Variants in GRIK2 observed in about 807,000 individuals in gnomAD.
GRIK2 encodes glutamate receptor ionotropic, kainate 2.
A neutral mutation model predicts 100.3 loss-of-function variants in GRIK2; 32 were observed. That is an observed-to-expected ratio of 0.32 (90% CI 0.24 to 0.43). The LOEUF (loss-of-function observed/expected upper bound fraction) is 0.43, where lower values mean the gene tolerates loss of function less well. Ranked by LOEUF, GRIK2 falls within the 20% of genes least tolerant of loss-of-function variation. GRIK2 has a pLI of 1.00. For missense variants in GRIK2, 843 were observed against 1,114.9 expected (o/e 0.76, Z 3.47); for synonymous variants, 417 against 389.4 (o/e 1.07, Z -0.83).
At chr6:102,006,729 T>C (rs1795261380) in intron 14 of GRIK2, among the ~76,000 whole-genome samples, 1 of 150,444 alleles carries the variant, frequency 6.6e-6, no homozygotes, top group African/African-American at 2.5e-5. Context: ...ACAAGCCCTG[T>C]CATTTTTTTT....
At chr6:101,819,698 T>C (rs1781838250) in intron 10 of GRIK2, among the ~76,000 whole-genome samples, 1 of 152,218 alleles carries the variant, frequency 6.6e-6, no homozygotes, top group Non-Finnish European at 1.5e-5. Context: ...TACATGCCAC[T>C]ATGTTCTGGA....
intron 2 of GRIK2, among the ~76,000 whole-genome samples, chr6:101,597,745 T>A (rs1346356067): frequency 6.6e-6 from 1 of 151,750 alleles, no homozygotes; most frequent in Non-Finnish European, 1.5e-5. Context: ...CTCACCCTTT[T>A]CTTCCATTTC....
In GRIK2 at chr6:101,549,472, C is replaced by T. The variant is rs540129526; in HGVS notation, c.116-72477C>T. 2.2e-4 allele frequency among the ~76,000 whole-genome samples: 34 copies of T among 152,060 alleles called. No homozygotes were observed. In the East Asian group the frequency reaches 5.4e-3, roughly 24 times the overall value. ...TTAGTTCAATCCTGGCTCAAGATGACATTGTGTGTCTCTGCTGGCAATATA... is the reference window on the plus strand; with the variant it reads ...TTAGTTCAATCCTGGCTCAAGATGATATTGTGTGTCTCTGCTGGCAATATA... On this transcript the variant is annotated intron_variant, in intron 2 of 16. Coordinates refer to ENST00000369134, the MANE Select transcript of GRIK2 (RefSeq NM_021956.5).
chr6:101,830,768 G>C (rs1434091573), intron 10 of GRIK2, among the ~76,000 whole-genome samples: 1 of 151,942 alleles, frequency 6.6e-6, no homozygotes, highest in Admixed American at 6.6e-5. Context: ...TTGTTGGTGG[G>C]AATGCTAATT....
chr6:101,987,531 T>C (rs1008909918), intron 14 of GRIK2, among the ~76,000 whole-genome samples: 1 of 151,440 alleles, frequency 6.6e-6, no homozygotes, highest in African/African-American at 2.4e-5. Flanking sequence ...TGATATTTAA[T>C]TTAAACATAT....
At chr6:101,899,766 G>T (rs992512469) in intron 12 of GRIK2, among the ~76,000 whole-genome samples, 4 of 152,108 alleles carry the variant, frequency 2.6e-5, no homozygotes, top group Non-Finnish European at 5.9e-5. Context: ...GCATGATAAA[G>T]TTATAAACAG....
intron 10 of GRIK2, among the ~76,000 whole-genome samples, chr6:101,830,164 C>G (rs1782587209): frequency 1.3e-5 from 2 of 151,838 alleles, no homozygotes; most frequent in Non-Finnish European, 2.9e-5. Context: ...TCGACAAAAA[C>G]AAATAATGGA....
chr6:101,802,227 A>G, intron 8 of GRIK2, 104 bp from the exon 9 acceptor site: 1 of 429,614 alleles, frequency 2.3e-6, no homozygotes. Context: ...ATCTCTAGCA[A>G]TGTAAACTGA....
chr6:101,916,962 T>C (rs1789154432), intron 12 of GRIK2, among the ~76,000 whole-genome samples: 1 of 151,660 alleles, frequency 6.6e-6, no homozygotes, highest in Non-Finnish European at 1.5e-5. Context: ...ATTTTATGCC[T>C]GATCCCACTA....
At chr6:101,793,956 A>G (rs1234359843) in intron 7 of GRIK2, among the ~76,000 whole-genome samples, 1 of 151,966 alleles carries the variant, frequency 6.6e-6, no homozygotes, top group Non-Finnish European at 1.5e-5. Flanking sequence ...TTGCAGTTTG[A>G]TCTCAGACTT....
chr6:101,511,415 A>G (rs1774307787), intron 2 of GRIK2, among the ~76,000 whole-genome samples: 1 of 152,158 alleles, frequency 6.6e-6, no homozygotes, highest in Non-Finnish European at 1.5e-5. Context: ...GAGTGGCACA[A>G]ATAAAATTAA....
At chr6:102,023,691 G>A (rs1200331374) in intron 14 of GRIK2, among the ~76,000 whole-genome samples, 1 of 151,524 alleles carries the variant, frequency 6.6e-6, no homozygotes, top group Admixed American at 6.6e-5. Flanking sequence ...GGTTGAACAT[G>A]TGCTTCAGTT....
chr6:101,922,880 G>A (rs902767183), intron 12 of GRIK2, among the ~76,000 whole-genome samples: 6 of 152,106 alleles, frequency 3.9e-5, no homozygotes, highest in African/African-American at 1.4e-4. Flanking sequence ...CTGTTACTTG[G>A]AAATACTTTA....
rs564664773 is a variant in GRIK2, at chr6:102,068,862, C to T, written c.*351C>T. ...GTTGCCAGGAGATGGAATATCAATG[C>T]CCAACAGGGCAACCAATAAAAGTGT... On this transcript the variant is annotated 3_prime_UTR_variant, in exon 17 of 17. Transcript: ENST00000369134. 7.4e-4 allele frequency: 134 copies of T among 182,194 alleles called. 1 individual carries two copies. Among genetic ancestry groups the T allele is most frequent in the Admixed American group, 2.5e-3 (43 of 17,284 alleles). 11.3% of individuals were successfully genotyped at this position (182,194 alleles called of 1,614,324 possible). A position where few individuals can be genotyped will look rare whatever the true frequency, so the allele number is the denominator to read the frequency against.
At chr6:101,830,978 A>G (rs1403565846) in intron 10 of GRIK2, among the ~76,000 whole-genome samples, 1 of 151,970 alleles carries the variant, frequency 6.6e-6, no homozygotes, top group Non-Finnish European at 1.5e-5. Flanking sequence ...GAGGGAGAAA[A>G]AGAGAAAGAA....
intron 14 of GRIK2, among the ~76,000 whole-genome samples, chr6:101,952,880 T>C (rs1188016810): frequency 1.3e-5 from 2 of 152,174 alleles, no homozygotes; most frequent in African/African-American, 4.8e-5. Flanking sequence ...ACCACAATAA[T>C]TTTTAAAACT....
At chr6:102,046,054 C>A (rs1419385115) in intron 15 of GRIK2, among the ~76,000 whole-genome samples, 2 of 151,816 alleles carry the variant, frequency 1.3e-5, no homozygotes, top group Non-Finnish European at 1.5e-5. Flanking sequence ...GATGGCTATA[C>A]TTAGAGTTCA....
chr6:101,664,660 G>A (rs1402792450), intron 4 of GRIK2, among the ~76,000 whole-genome samples: 1 of 152,236 alleles, frequency 6.6e-6, no homozygotes, highest in South Asian at 2.1e-4. Flanking sequence ...ACAGCATATT[G>A]ACTTTATAAG....
intron 4 of GRIK2, among the ~76,000 whole-genome samples, chr6:101,643,090 G>A (rs1056049137): frequency 6.6e-6 from 1 of 151,458 alleles, no homozygotes; most frequent in African/African-American, 2.4e-5. Context: ...ATTGGTTGTT[G>A]AGTTTCAGTA....
Sources: gnomAD v4.1 joint callset for allele counts (sites outside exome capture counted in the v4.1 genomes callset) on GRCh38, gnomAD v4.1.1 for gene constraint, MANE v1.5 for transcripts, NCBI Gene and HGNC (gene_info 2026-07-23, HGNC 2026-07-21) for gene names.